Variants in RAB3IP observed in about 807,000 individuals in gnomAD.
The protein encoded by RAB3IP is rab-3A-interacting protein.
A neutral mutation model predicts 59.1 loss-of-function variants in RAB3IP; 36 were observed. That is an observed-to-expected ratio of 0.61 (90% CI 0.47 to 0.80). The LOEUF is 0.80. Among genes scored for constraint, RAB3IP ranks in the 30% least tolerant of loss-of-function variants. The pLI is 0.00. For synonymous variants in RAB3IP, 207 were observed against 191.2 expected (o/e 1.08, Z -0.68); for missense variants, 511 against 536.0 (o/e 0.95, Z 0.46).
chr12:69,800,428 C>T, intron 7 of RAB3IP, 91 bp downstream of exon 7: 3 of 728,880 alleles, frequency 4.1e-6, no homozygotes, highest in Non-Finnish European at 6.1e-6. Flanking sequence ...ATATCTCTTA[C>T]ATAAATAAGT....
chr12:69,738,821 G>C (rs1393275614), upstream of RAB3IP: 1 of 149,686 alleles, frequency 6.7e-6, no homozygotes, highest in Non-Finnish European at 1.5e-5. Context: ...CGTGAGGACC[G>C]GCCGCTCCCG....
At chr12:69,808,431 A>G (rs529379579) in intron 8 of RAB3IP, among the ~76,000 whole-genome samples, 105 of 152,190 alleles carry the variant, frequency 6.9e-4, no homozygotes, top group Non-Finnish European at 1.3e-3. Context: ...GCTGAGTTCA[A>G]TTCCTGGATA....
intron 1 of RAB3IP, chr12:69,739,681 G>A (rs970899420): frequency 1.3e-5 from 9 of 681,180 alleles, no homozygotes; most frequent in Non-Finnish European, 2.0e-5. Flanking sequence ...CGTGCCGCCA[G>A]ACTTGTGTTC....
chr12:69,809,419 T>G (rs1278329136), intron 8 of RAB3IP, among the ~76,000 whole-genome samples: 4 of 152,220 alleles, frequency 2.6e-5, no homozygotes, highest in Non-Finnish European at 5.9e-5. Context: ...TAGCATTCTC[T>G]GTATTTCCTG....
chr12:69,805,128 G>A (rs1318247369), intron 8 of RAB3IP, among the ~76,000 whole-genome samples: 7 of 152,322 alleles, frequency 4.6e-5, no homozygotes, highest in Non-Finnish European at 8.8e-5. Flanking sequence ...CTACCCATGA[G>A]CATTGAATGT....
chr12:69,746,881 G>GC (rs555485809), intron 1 of RAB3IP, among the ~76,000 whole-genome samples: 6 of 152,084 alleles, frequency 3.9e-5, no homozygotes, highest in Non-Finnish European at 8.8e-5. Context: ...TTTCCTCCCT[G>GC]CCCCCCTTCC....
chr12:69,798,300 T>G (rs1427906704), intron 6 of RAB3IP, among the ~76,000 whole-genome samples: 2 of 151,958 alleles, frequency 1.3e-5, no homozygotes, highest in African/African-American at 2.4e-5. Flanking sequence ...TTTCATGTGT[T>G]TTTTGGCTGC....
At chr12:69,804,903 G>T (rs1302279512) in intron 8 of RAB3IP, among the ~76,000 whole-genome samples, 9 of 152,162 alleles carry the variant, frequency 5.9e-5, no homozygotes, top group African/African-American at 2.2e-4. Flanking sequence ...CTGTAGCCTT[G>T]TAGTATAGTT....
At chr12:69,789,578 CT>C (rs1372050166) in intron 4 of RAB3IP, among the ~76,000 whole-genome samples, 1 of 152,148 alleles carries the variant, frequency 6.6e-6, no homozygotes, top group Non-Finnish European at 1.5e-5. Context: ...CCCTTCCAAA[CT>C]CATTTTATGA....
rs1870039650 is a variant in RAB3IP, at chr12:69,755,434, T to C, written c.26T>C (p.Phe9Ser). The change falls in exon 2 of 11, where the codon TTC becomes TCC. Residue 9 changes from phenylalanine to serine, a missense_variant. Phe to Ser is a radical substitution (Grantham distance 155). Coordinates refer to ENST00000247833, the MANE Select transcript of RAB3IP (RefSeq NM_022456.5). MANDPLEG[F>S]HEVNLASPTS... ...ATGGCTAATGATCCCTTGGAAGGCTTCCATGAAGTAAACCTTGCTTCACCT... is the reference window on the plus strand; with the variant it reads ...ATGGCTAATGATCCCTTGGAAGGCTCCCATGAAGTAAACCTTGCTTCACCT... The C allele has an allele frequency of 6.2e-7, 1 of 1,614,158 alleles. No individual in the cohort carries two copies. The highest frequency in any genetic ancestry group is 8.5e-7 in the Non-Finnish European group (1 of 1,180,012).
chr12:69,741,013 T>C (rs1484456194), intron 1 of RAB3IP, among the ~76,000 whole-genome samples: 1 of 152,256 alleles, frequency 6.6e-6, no homozygotes, highest in Non-Finnish European at 1.5e-5. Context: ...GCTTATTTTC[T>C]CCATTTGTCA....
chr12:69,792,077 A>G lies in RAB3IP; in HGVS notation c.607-2360A>G, dbSNP rs887584565. ...AAGACAGAAAGACAAATGCTACATT[A>G]TCTCACTTATATGTGGAATCTAAAA... On this transcript the variant is annotated intron_variant, in intron 4 of 10. Transcript: ENST00000247833. Among the ~76,000 whole-genome samples, 5 of 152,240 alleles carry G rather than the reference A, an allele frequency of 3.3e-5. No individual in the cohort carries two copies. In the East Asian group the frequency reaches 7.7e-4, roughly 23 times the overall value.
At chr12:69,813,116 A>T in intron 10 of RAB3IP, 83 bp downstream of exon 10, 1 of 738,538 alleles carries the variant, frequency 1.4e-6, no homozygotes, top group Non-Finnish European at 1.9e-6. Flanking sequence ...AGTATAGAAT[A>T]GTAGTAATGC....
intron 4 of RAB3IP, among the ~76,000 whole-genome samples, chr12:69,787,057 C>G (rs530915507): frequency 6.6e-6 from 1 of 152,096 alleles, no homozygotes; most frequent in South Asian, 2.1e-4. Flanking sequence ...TGAAAAGATT[C>G]TTTTTTTGCA....
At chr12:69,806,285 G>T (rs1879254095) in intron 8 of RAB3IP, among the ~76,000 whole-genome samples, 1 of 152,276 alleles carries the variant, frequency 6.6e-6, no homozygotes, top group Non-Finnish European at 1.5e-5. Flanking sequence ...TATTTGCATA[G>T]AGGTGTTTAT....
intron 1 of RAB3IP, among the ~76,000 whole-genome samples, chr12:69,750,858 C>T (rs1367566175): frequency 6.6e-6 from 1 of 151,868 alleles, no homozygotes; most frequent in Admixed American, 6.6e-5. Flanking sequence ...AGTTCAGGTA[C>T]TGTCATTCTG....
chr12:69,812,934 C>G (rs1263339278), intron 9 of RAB3IP, 30 bp from the exon 10 acceptor site: 2 of 1,605,710 alleles, frequency 1.2e-6, no homozygotes, highest in Non-Finnish European at 1.7e-6. Context: ...GACATTTGAC[C>G]ATTCATGACA....
At position 69,812,794 on chromosome 12, in the gene RAB3IP, G is replaced by T; in HGVS notation, c.1147G>T (p.Gly383Cys). 6.2e-7 allele frequency: 1 copy of T among 1,610,166 alleles called. No homozygotes were observed. Residue 383 changes from glycine (G) to cysteine (C), a missense_variant, in exon 9 of 11, where the codon GGC becomes TGC. Physicochemically the swap from Gly to Cys is radical, Grantham distance 159 (BLOSUM62 -3). Transcript: ENST00000247833. ...ATTTCACAGAAAATGTGCTCTCACT[G>T]GCCAGAGTAAGTCCTGTAAACACAG... ...CGGPKKCALT[G>C]QSKSCKHRIK... is the part of the protein sequence containing the mutation.
rs1409109759 is a variant in RAB3IP, at chr12:69,754,908, TA to T, written c.-25-475del. Among the ~76,000 whole-genome samples, 4 of 152,328 alleles carry T rather than the reference TA, an allele frequency of 2.6e-5. No individual in the cohort carries two copies. The East Asian group carries it at 7.7e-4, about 29-fold the overall frequency. The stretch of plus-strand genomic sequence containing the variant: ...ATATGAACATTTAATAATTTTAAAA[TA>T]TTTTTAAAAATTAAGCCAATTTTTA... On this transcript the variant is annotated intron_variant, in intron 1 of 10. Transcript: ENST00000247833.
Sources: gnomAD v4.1 joint callset for allele counts (sites outside exome capture counted in the v4.1 genomes callset) on GRCh38, gnomAD v4.1.1 for gene constraint, MANE v1.5 for transcripts, NCBI Gene and HGNC (gene_info 2026-07-23, HGNC 2026-07-21) for gene names.